The following TRAPPC9 variants were observed in gnomAD, a reference collection of about 807,000 sequenced individuals.
TRAPPC9 encodes the protein trafficking protein particle complex subunit 9.
TRAPPC9 carries 83 observed loss-of-function variants against 124.0 expected under a neutral mutation model. The ratio of observed to expected loss-of-function variants is 0.67; its 90% confidence interval spans 0.56 to 0.80. The LOEUF (loss-of-function observed/expected upper bound fraction) is 0.80. Ranked by LOEUF, TRAPPC9 falls within the 30% of genes least tolerant of loss-of-function variation. The pLI, the probability that TRAPPC9 is intolerant of heterozygous loss-of-function variation, is 0.00. For missense variants in TRAPPC9, 1,302 were observed against 1,508.3 expected (o/e 0.86, Z 2.27); for synonymous variants, 638 against 617.5 (o/e 1.03, Z -0.49).
intron 17 of TRAPPC9, among the ~76,000 whole-genome samples, chr8:140,085,046 G>C (rs35610957): frequency 6.6e-6 from 1 of 152,192 alleles, no homozygotes. Context: ...AGCCAATCCA[G>C]GTACAGATTC....
chr8:139,787,035 T>C (rs1375198194), intron 21 of TRAPPC9, among the ~76,000 whole-genome samples: 1 of 152,168 alleles, frequency 6.6e-6, no homozygotes, highest in Non-Finnish European at 1.5e-5. Context: ...TTATTGTGTG[T>C]CAGTAAGACT....
At chr8:139,874,900 G>A (rs559481896) in intron 21 of TRAPPC9, among the ~76,000 whole-genome samples, 6 of 152,178 alleles carry the variant, frequency 3.9e-5, no homozygotes, top group Non-Finnish European at 1.5e-5. Context: ...AGGGACAGCA[G>A]CTATGGGACC....
At chr8:140,059,496 CTA>C (rs1256579799) in intron 17 of TRAPPC9, among the ~76,000 whole-genome samples, 1 of 152,174 alleles carries the variant, frequency 6.6e-6, no homozygotes, top group Non-Finnish European at 1.5e-5. Context: ...TGTACAGGAG[CTA>C]TATGTTTAAC....
intron 19 of TRAPPC9, among the ~76,000 whole-genome samples, chr8:139,949,531 C>T (rs1834498202): frequency 6.6e-6 from 1 of 152,130 alleles, no homozygotes; most frequent in Non-Finnish European, 1.5e-5. Context: ...ATAAAATGTG[C>T]AATATCCATG....
In TRAPPC9 at chr8:140,450,930, G is replaced by T; in HGVS notation, c.444C>A (p.Ile148=). 6.2e-7 allele frequency: 1 copy of T among 1,614,124 alleles called. No individual in the cohort carries two copies. Residue 148 remains isoleucine (I), a synonymous_variant, in exon 2 of 23, where the codon ATC becomes ATA. Coordinates refer to ENST00000438773, the MANE Select transcript of TRAPPC9 (RefSeq NM_001160372.4). ...YEDCQTVEKR[I]EDFIESLFIV... ...TGAACAGTGACTCGATGAAGTCCTCGATTCTCTTCTCCACCGTCTGGCAGT... is the reference window on the plus strand; with the variant it reads ...TGAACAGTGACTCGATGAAGTCCTCTATTCTCTTCTCCACCGTCTGGCAGT...
chr8:139,907,506 G>A lies in TRAPPC9; in HGVS notation c.2964+2641C>T, dbSNP rs995775034. On this transcript the variant is annotated intron_variant, in intron 20 of 22. Transcript: ENST00000438773. The surrounding 1 kb of genome is among the most constrained non-coding windows in gnomAD (Gnocchi z 4.7). Reference sequence around the variant, plus strand: ...CCAGATGTCATCAACAGATGAGAGTGGGGGGAAGGGAGAGGAGAGGGAGAA... The same window carrying A: ...CCAGATGTCATCAACAGATGAGAGTAGGGGGAAGGGAGAGGAGAGGGAGAA... Among the ~76,000 whole-genome samples, 4 of 150,102 alleles carry A rather than the reference G, an allele frequency of 2.7e-5. No individual in the cohort carries two copies. Among genetic ancestry groups the A allele is most frequent in the African/African-American group, 9.8e-5 (4 of 40,674 alleles).
intron 21 of TRAPPC9, among the ~76,000 whole-genome samples, chr8:139,738,617 G>A (rs897417139): frequency 2.8e-4 from 42 of 152,320 alleles, no homozygotes; most frequent in Non-Finnish European, 3.7e-4. Context: ...AAGGTAGCCC[G>A]CAACACCGAT....
chr8:139,731,682 AG>A (rs1390791290), intron 22 of TRAPPC9, among the ~76,000 whole-genome samples: 5 of 152,116 alleles, frequency 3.3e-5, no homozygotes, highest in Admixed American at 3.3e-4. Context: ...GTGATGCCAC[AG>A]CAGGGTCCAA....
At position 140,307,646 on chromosome 8, in the gene TRAPPC9, A is replaced by C. The variant is rs370900601; in HGVS notation, c.1622+3602T>G. 2.6e-5 allele frequency among the ~76,000 whole-genome samples: 4 copies of C among 152,320 alleles called. No individual in the cohort carries two copies. The East Asian group carries it at 5.8e-4, about 22-fold the overall frequency. ...CCACCTATATCACAGATTCTAGGAA[A>C]GCTAAATATTTATTTTCTCAGCCTG... On this transcript the variant is annotated intron_variant, in intron 10 of 22. Coordinates refer to ENST00000438773, the MANE Select transcript of TRAPPC9 (RefSeq NM_001160372.4).
At chr8:140,281,622 C>T (rs887355231) in intron 14 of TRAPPC9, among the ~76,000 whole-genome samples, 5 of 152,150 alleles carry the variant, frequency 3.3e-5, no homozygotes, top group South Asian at 2.1e-4. Flanking sequence ...AATCTGTCAA[C>T]GTTTTATTCC....
intron 7 of TRAPPC9, among the ~76,000 whole-genome samples, chr8:140,373,417 G>A (rs537932129): frequency 3.1e-4 from 47 of 152,240 alleles, no homozygotes; most frequent in African/African-American, 9.4e-4. Context: ...TTGGACACTC[G>A]GTTCCAATGC....
intron 21 of TRAPPC9, among the ~76,000 whole-genome samples, chr8:139,884,960 C>T (rs1025894658): frequency 2.0e-5 from 3 of 152,218 alleles, no homozygotes; most frequent in Admixed American, 6.5e-5. Context: ...AGGAGAAAGG[C>T]TTGTTTTCTC....
rs563723279 is a variant in TRAPPC9, at chr8:140,382,125, G to A, written c.1135-10945C>T. Among the ~76,000 whole-genome samples, 7 of 152,270 alleles carry A rather than the reference G, an allele frequency of 4.6e-5. No homozygotes were observed. The South Asian group carries it at 8.3e-4, about 18-fold the overall frequency. ...ATAAAACATGGTATCTCCATATAGC[G>A]GATACTAAGTGGCCATAAGAAGGAA... On this transcript the variant is annotated intron_variant, in intron 7 of 22. Transcript: ENST00000438773.
chr8:140,203,134 A>G (rs895458123), intron 17 of TRAPPC9, among the ~76,000 whole-genome samples: 2 of 152,238 alleles, frequency 1.3e-5, no homozygotes, highest in African/African-American at 4.8e-5. Context: ...TTTTAAAATC[A>G]TCTGCAGAGT....
At chr8:139,981,760 G>C (rs142508274) in intron 19 of TRAPPC9, among the ~76,000 whole-genome samples, 88 of 152,330 alleles carry the variant, frequency 5.8e-4, no homozygotes, top group African/African-American at 2.1e-3. Flanking sequence ...AGAAGTTGTG[G>C]AGCCCCCAGG....
chr8:140,387,773 GT>G (rs1450049920), intron 7 of TRAPPC9, among the ~76,000 whole-genome samples: 2 of 152,210 alleles, frequency 1.3e-5, no homozygotes, highest in African/African-American at 4.8e-5. Flanking sequence ...TACACTGTTG[GT>G]GGGACTGTAA....
chr8:139,933,113 T>G (rs549743642), intron 19 of TRAPPC9: 4 of 154,676 alleles, frequency 2.6e-5, no homozygotes, highest in Admixed American at 1.9e-4. Flanking sequence ...AGTGTTTGTT[T>G]TTTGCATGAT....
At chr8:140,194,990 C>A (rs2131109012) in intron 17 of TRAPPC9, among the ~76,000 whole-genome samples, 1 of 152,040 alleles carries the variant, frequency 6.6e-6, no homozygotes, top group Non-Finnish European at 1.5e-5. Flanking sequence ...AAAACACACT[C>A]AAGGTTCTAC....
chr8:140,417,083 G>T (rs557683979), intron 5 of TRAPPC9, among the ~76,000 whole-genome samples: 25 of 152,320 alleles, frequency 1.6e-4, no homozygotes, highest in African/African-American at 5.8e-4. Flanking sequence ...ATGGATTAAA[G>T]ACTTAAACGT....
Sources: allele counts gnomAD v4.1 joint callset (sites outside exome capture counted in the v4.1 genomes callset), GRCh38; gene constraint gnomAD v4.1.1; non-coding constraint Gnocchi (gnomAD v3.1); transcripts MANE v1.5; gene names NCBI Gene and HGNC (gene_info 2026-07-23, HGNC 2026-07-21).